ANK2: variants seen among roughly 807,000 people sequenced by gnomAD.
ANK2 encodes the protein ankyrin 2.
ANK2 carries 83 observed loss-of-function variants against 360.5 expected under a neutral mutation model. The observed-to-expected ratio is 0.23, with a 90% CI of 0.19 to 0.28. ANK2 has a LOEUF of 0.28. Among genes scored for constraint, ANK2 ranks in the 10% least tolerant of loss-of-function variants. The pLI is 1.00. For missense variants in ANK2, 4,201 were observed against 4,795.7 expected, an observed-to-expected ratio of 0.88 and a Z score of 3.66; for synonymous variants, 1,740 against 1,759.5, an observed-to-expected ratio of 0.99 and a Z score of 0.28.
At chr4:113,283,878 A>C (rs188657321) in intron 18 of ANK2, among the ~76,000 whole-genome samples, 2 of 152,338 alleles carry the variant, frequency 1.3e-5, no homozygotes, top group East Asian at 3.9e-4. Context: ...GTACTTTTAA[A>C]GTATCAGTGA....
chr4:113,220,066 T>C (rs1400124226), intron 4 of ANK2, among the ~76,000 whole-genome samples: 1 of 152,194 alleles, frequency 6.6e-6, no homozygotes, highest in Non-Finnish European at 1.5e-5. Flanking sequence ...TGCTATAATT[T>C]CTACAGTGCC....
At chr4:112,943,556 T>A (rs2094372066) in intron 2 of ANK2, among the ~76,000 whole-genome samples, 1 of 152,052 alleles carries the variant, frequency 6.6e-6, no homozygotes, top group South Asian at 2.1e-4. Context: ...TGGATTTCAG[T>A]CCTAAACTCA....
chr4:113,373,627 C>T, intron 45 of ANK2, 178 bp downstream of exon 45: 1 of 786,952 alleles, frequency 1.3e-6, no homozygotes. Flanking sequence ...TTAAGACAGC[C>T]ATCAGGGAGA....
At chr4:113,069,029 C>T (rs915413759) in intron 1 of ANK2, among the ~76,000 whole-genome samples, 1 of 151,654 alleles carries the variant, frequency 6.6e-6, no homozygotes, top group Non-Finnish European at 1.5e-5. Flanking sequence ...GGCTACTGCA[C>T]TGGGCAACAC....
the ANK2 span, among the ~76,000 whole-genome samples, chr4:112,787,614 A>G: frequency 1.3e-5 from 2 of 152,030 alleles, no homozygotes; most frequent in Non-Finnish European, 2.9e-5. Flanking sequence ...GAGTAAGTCC[A>G]CTCCATGGGT....
the ANK2 span, among the ~76,000 whole-genome samples, chr4:112,800,986 T>G: frequency 6.6e-6 from 1 of 152,132 alleles, no homozygotes; most frequent in Non-Finnish European, 1.5e-5. Context: ...GTAATAAAAT[T>G]GAGCTTCTGA....
Position 112,854,423 on chromosome 4 carries a change from A to G in ANK2, c.-40+36159A>G, listed in dbSNP as rs558726744. Among the ~76,000 whole-genome samples the G allele has an allele frequency of 6.6e-5, 10 of 152,330 alleles. No individual in the cohort carries two copies. The Middle Eastern group carries it at 0.01, about 155-fold the overall frequency. On this transcript the variant is annotated intron_variant, in intron 1 of 30. Coordinates refer to the ANK2 transcript ENST00000503271. ...TGAAGATAATGCAGGCCAGATAATG[A>G]AAGCCTGACATGCTGTGGTGATATG...
chr4:113,148,313 A>G (rs570842622), intron 1 of ANK2, among the ~76,000 whole-genome samples: 1 of 152,210 alleles, frequency 6.6e-6, no homozygotes, highest in Non-Finnish European at 1.5e-5. Flanking sequence ...TCCTTAGCAT[A>G]ACAAATTAAT....
chr4:112,755,802 T>TA, the ANK2 span: 1 of 167,366 alleles, frequency 6.0e-6, no homozygotes, highest in Non-Finnish European at 1.3e-5. Flanking sequence ...ATAAATGTTT[T>TA]CTTTTTTTTT....
In ANK2 at chr4:113,367,906, G is replaced by C. The variant is rs114788911; in HGVS notation, c.11318+55G>C. 10 of 1,597,098 alleles carry C rather than the reference G, an allele frequency of 6.3e-6. No homozygotes were observed. The South Asian group carries it at 1.1e-4, about 18-fold the overall frequency. ...TAATACCAAAGAAACAGGCTATTGT[G>C]GATGCCAGGCATATATAAGCATAAC... On this transcript the variant is annotated intron_variant, in intron 42 of 45. Coordinates refer to ENST00000357077, the MANE Select transcript of ANK2 (RefSeq NM_001148.6).
At chr4:113,313,281 A>G (rs986679450) in intron 24 of ANK2, among the ~76,000 whole-genome samples, 1 of 152,218 alleles carries the variant, frequency 6.6e-6, no homozygotes, top group Non-Finnish European at 1.5e-5. Context: ...ACTGTCAACC[A>G]TAAAGCTTCT....
chr4:113,105,709 A>G (rs1396132377), intron 1 of ANK2, among the ~76,000 whole-genome samples: 1 of 152,162 alleles, frequency 6.6e-6, no homozygotes, highest in Non-Finnish European at 1.5e-5. Flanking sequence ...TGTACATCCA[A>G]CTTAAAAGCT....
the ANK2 span, among the ~76,000 whole-genome samples, chr4:112,712,639 C>T: frequency 1.3e-5 from 2 of 150,800 alleles, no homozygotes; most frequent in Non-Finnish European, 3.0e-5. Flanking sequence ...GATCTTCTGA[C>T]CTCATGATCC....
At chr4:112,716,146 C>G in the ANK2 span, among the ~76,000 whole-genome samples, 279 of 152,262 alleles carry the variant, frequency 1.8e-3, 2 homozygotes, top group African/African-American at 6.4e-3. Flanking sequence ...CACAGCCCCC[C>G]TAGTTCCTAT....
intron 2 of ANK2, among the ~76,000 whole-genome samples, chr4:112,940,364 A>G (rs533264537): frequency 6.6e-6 from 1 of 152,160 alleles, no homozygotes; most frequent in Non-Finnish European, 1.5e-5. Flanking sequence ...GAACTGTAGA[A>G]ATCACCTAAT....
intron 10 of ANK2, among the ~76,000 whole-genome samples, chr4:113,253,729 A>G (rs962030153): frequency 6.6e-6 from 1 of 152,172 alleles, no homozygotes; most frequent in Non-Finnish European, 1.5e-5. Context: ...ACTCTGGTCC[A>G]GATCACCATC....
chr4:113,272,920 G>A (rs1347873126), intron 14 of ANK2, among the ~76,000 whole-genome samples: 1 of 151,956 alleles, frequency 6.6e-6, no homozygotes, highest in African/African-American at 2.4e-5. Flanking sequence ...TTTTTAAATT[G>A]TTGTTTGTTT....
At chr4:112,855,733 G>T (rs2066228995) in intron 1 of ANK2, among the ~76,000 whole-genome samples, 1 of 152,270 alleles carries the variant, frequency 6.6e-6, no homozygotes, top group East Asian at 1.9e-4. Flanking sequence ...CTCACATCTG[G>T]AGAGTGACAG....
At chr4:112,853,253 G>C (rs1363205233) in intron 1 of ANK2, among the ~76,000 whole-genome samples, 4 of 152,118 alleles carry the variant, frequency 2.6e-5, no homozygotes, top group African/African-American at 4.8e-5. Context: ...ATTTTTAGTA[G>C]AGATGGGGTT....
Sources: allele counts gnomAD v4.1 joint callset (sites outside exome capture counted in the v4.1 genomes callset), GRCh38; gene constraint gnomAD v4.1.1; transcripts MANE v1.5; gene names NCBI Gene and HGNC (gene_info 2026-07-23, HGNC 2026-07-21).